Variants in TGFBRAP1 observed in about 807,000 individuals in gnomAD.
The protein encoded by TGFBRAP1 is transforming growth factor-beta receptor-associated protein 1.
Under a neutral mutation model 83.2 loss-of-function variants are expected in TGFBRAP1, and 20 were observed. The observed-to-expected ratio is 0.24, with a 90% CI of 0.17 to 0.35. The LOEUF is 0.35. Among genes scored for constraint, TGFBRAP1 ranks in the 10% least tolerant of loss-of-function variants. The pLI, the probability that TGFBRAP1 is intolerant of heterozygous loss-of-function variation, is 1.00. For synonymous variants in TGFBRAP1, 415 were observed against 459.8 expected (o/e 0.90, Z 1.25); for missense variants, 950 against 1,099.4 (o/e 0.86, Z 1.92).
chr2:105,292,781 T>C (rs1677956551), intron 4 of TGFBRAP1, among the ~76,000 whole-genome samples: 1 of 152,154 alleles, frequency 6.6e-6, no homozygotes, highest in Non-Finnish European at 1.5e-5. Flanking sequence ...ATACTTTGTT[T>C]TACTGATTTG....
chr2:105,258,584 A>G, the TGFBRAP1 span, among the ~76,000 whole-genome samples: 1 of 151,946 alleles, frequency 6.6e-6, no homozygotes, highest in African/African-American at 2.4e-5. Context: ...AGGCCTTCAG[A>G]CTTGGACTGA....
the TGFBRAP1 span, among the ~76,000 whole-genome samples, chr2:105,258,201 T>C: frequency 6.6e-6 from 1 of 152,310 alleles, no homozygotes; most frequent in African/African-American, 2.4e-5. Flanking sequence ...CGCCAGCTCA[T>C]CAGCCCCAGA....
chr2:105,279,390 TG>T (rs1677452654), intron 6 of TGFBRAP1, among the ~76,000 whole-genome samples: 3 of 152,138 alleles, frequency 2.0e-5, no homozygotes. Context: ...TCTGAGTAGC[TG>T]GGACCACAGG....
chr2:105,296,756 CTTTT>C (rs60031957), intron 3 of TGFBRAP1, among the ~76,000 whole-genome samples: 12 of 73,214 alleles, frequency 1.6e-4, no homozygotes, highest in East Asian at 4.8e-4. Context: ...CTTTTTTTGC[CTTTT>C]TTTTTTTTTT....
Position 105,269,745 on chromosome 2 carries a change from G to A in TGFBRAP1, c.1973-40C>T, listed in dbSNP as rs758263311. ...CTGCAGCTCAGAAAGAAAGGGGCTC[G>A]CCGGCCACCCGCCCAGCGACTGGCC... On this transcript the variant is annotated intron_variant, in intron 10 of 11. Coordinates refer to ENST00000393359, the MANE Select transcript of TGFBRAP1 (RefSeq NM_004257.6). This position sits in a 1 kb window ranked among gnomAD's most constrained non-coding sequence, Gnocchi z 4.1. 3.4e-5 allele frequency: 49 copies of A among 1,459,940 alleles called. 1 individual carries two copies. Among genetic ancestry groups the A allele is most frequent in the Admixed American group, 2.3e-4 (9 of 39,938 alleles). 90.4% of individuals were successfully genotyped at this position (1,459,940 alleles called of 1,614,324 possible). A position where few individuals can be genotyped will look rare whatever the true frequency, so the allele number is the denominator to read the frequency against.
downstream of TGFBRAP1, among the ~76,000 whole-genome samples, chr2:105,261,520 G>A (rs2104290259): frequency 1.3e-5 from 2 of 152,312 alleles, no homozygotes; most frequent in Admixed American, 1.3e-4. Context: ...GGGAGGCCGA[G>A]GTAGGAGGAT....
At chr2:105,299,545 C>T (rs1678213097) in intron 2 of TGFBRAP1, among the ~76,000 whole-genome samples, 1 of 152,014 alleles carries the variant, frequency 6.6e-6, no homozygotes, top group Non-Finnish European at 1.5e-5. Context: ...TAAGGCTGAA[C>T]ATCGCCCAAC....
At position 105,277,638 on chromosome 2, in the gene TGFBRAP1, A is replaced by G. The variant is rs749058345; in HGVS notation, c.1497T>C (p.Asn499=). 9 of 1,614,048 alleles carry G rather than the reference A, an allele frequency of 5.6e-6. No individual in the cohort carries two copies. Among genetic ancestry groups the G allele is most frequent in the Non-Finnish European group, 7.6e-6 (9 of 1,180,040 alleles). The stretch of plus-strand genomic sequence containing the variant: ...CCTGAACTGCAGCAGCATCTTGGTT[A>G]TTATAATGATAGAGCAGTCCAAGTG... ...YFALGLLYHY[N]NQDAAAVQLW... is the part of the protein sequence containing the mutation. Residue 499 remains asparagine, a synonymous_variant, in exon 7 of 12, where the codon AAT becomes AAC. Transcript: ENST00000393359.
At chr2:105,304,226 A>G (rs551841099) in intron 2 of TGFBRAP1, among the ~76,000 whole-genome samples, 1 of 152,310 alleles carries the variant, frequency 6.6e-6, no homozygotes, top group African/African-American at 2.4e-5. Flanking sequence ...ATGAAATGCT[A>G]TGATGTCTGG....
At chr2:105,327,001 A>C (rs2104427438) in intron 1 of TGFBRAP1, among the ~76,000 whole-genome samples, 1 of 152,340 alleles carries the variant, frequency 6.6e-6, no homozygotes, top group African/African-American at 2.4e-5. Flanking sequence ...AAAACGAGTC[A>C]GGTTTGCTAC....
chr2:105,324,566 C>T (rs1348168676), intron 1 of TGFBRAP1, among the ~76,000 whole-genome samples: 3 of 152,130 alleles, frequency 2.0e-5, no homozygotes, highest in Non-Finnish European at 4.4e-5. Context: ...CAAGTGTCCT[C>T]GCTTAAAATT....
chr2:105,322,099 G>C (rs1336744984), intron 1 of TGFBRAP1, among the ~76,000 whole-genome samples: 1 of 152,092 alleles, frequency 6.6e-6, no homozygotes, highest in Admixed American at 6.5e-5. Flanking sequence ...GGATGACAGG[G>C]ATAAGGATGA....
chr2:105,276,036 A>G (rs993055836), intron 7 of TGFBRAP1, among the ~76,000 whole-genome samples: 4 of 152,222 alleles, frequency 2.6e-5, no homozygotes, highest in Admixed American at 6.5e-5. Flanking sequence ...GAAAACGGTC[A>G]CTGATAACAT....
intron 2 of TGFBRAP1, among the ~76,000 whole-genome samples, chr2:105,302,886 A>T (rs10206376): frequency 0.044 from 6,769 of 152,332 alleles, 526 homozygotes; most frequent in African/African-American, 0.15. Flanking sequence ...TTTAAAACAC[A>T]GTAATTTGAC....
chr2:105,308,521 T>A (rs767651922), intron 1 of TGFBRAP1, among the ~76,000 whole-genome samples: 26 of 151,402 alleles, frequency 1.7e-4, no homozygotes, highest in Admixed American at 3.3e-4. Flanking sequence ...CACAGACACA[T>A]ACACACACAC....
Position 105,308,036 on chromosome 2 carries a change from T to C in TGFBRAP1, c.266A>G (p.Asn89Ser), listed in dbSNP as rs781263408. 2.5e-6 allele frequency: 4 copies of C among 1,613,870 alleles called. No individual in the cohort carries two copies. In the East Asian group the frequency reaches 6.7e-5, roughly 27 times the overall value. The change falls in exon 2 of 12, where the codon AAC becomes AGC. Residue 89 changes from asparagine to serine, a missense_variant. Coordinates refer to ENST00000393359, the MANE Select transcript of TGFBRAP1 (RefSeq NM_004257.6). ...VNELRAASAL[N>S]RLLVLCDNSI... Reference sequence around the variant, plus strand: ...GTTGTCACACAGCACCAGCAGCCTGTTGAGTGCTGAGGCCGCACGCAGCTC... The same window carrying C: ...GTTGTCACACAGCACCAGCAGCCTGCTGAGTGCTGAGGCCGCACGCAGCTC...
At chr2:105,296,783 T>TA (rs1553405073) in intron 3 of TGFBRAP1, among the ~76,000 whole-genome samples, 12 of 146,366 alleles carry the variant, frequency 8.2e-5, no homozygotes, top group African/African-American at 3.1e-4. Flanking sequence ...TTTTTTTTTT[T>TA]ACTGAGAAAT....
chr2:105,267,193 TCA>T lies in TGFBRAP1; in HGVS notation c.*188_*189del. 1 of 37,718 alleles carries T rather than the reference TCA, an allele frequency of 2.7e-5. No individual in the cohort carries two copies. The highest frequency in any genetic ancestry group is 4.4e-5 in the Non-Finnish European group (1 of 22,828). The allele number at this position is 37,718 out of a possible 1,614,324, so 2.3% of individuals were successfully genotyped here. A position where few individuals can be genotyped will look rare whatever the true frequency, so the allele number is the denominator to read the frequency against. The stretch of plus-strand genomic sequence containing the variant: ...TTCCATGTACATTCATAGAGCCTGG[TCA>T]TTCCATGTACATTCATAGAGCCTGG... On this transcript the variant is annotated 3_prime_UTR_variant, in exon 12 of 12. Coordinates refer to ENST00000393359, the MANE Select transcript of TGFBRAP1 (RefSeq NM_004257.6).
intron 4 of TGFBRAP1, among the ~76,000 whole-genome samples, chr2:105,290,960 T>C (rs1404655297): frequency 1.3e-5 from 2 of 151,970 alleles, no homozygotes; most frequent in South Asian, 4.2e-4. Context: ...GATTGCGAGA[T>C]TGCGCCACTG....
Sources: gnomAD v4.1 joint callset for allele counts (sites outside exome capture counted in the v4.1 genomes callset) on GRCh38, gnomAD v4.1.1 for gene constraint, Gnocchi (gnomAD v3.1) non-coding constraint, MANE v1.5 for transcripts, NCBI Gene and HGNC (gene_info 2026-07-23, HGNC 2026-07-21) for gene names.